SDK1: variants seen among roughly 807,000 people sequenced by gnomAD.
SDK1 encodes sidekick cell adhesion molecule 1, also known as protein sidekick-1.
A neutral mutation model predicts 245.5 loss-of-function variants in SDK1; 157 were observed. That is an observed-to-expected ratio of 0.64 (90% confidence interval 0.56 to 0.73). The LOEUF (loss-of-function observed/expected upper bound fraction) is 0.73. Among genes scored for constraint, SDK1 ranks in the 30% least tolerant of loss-of-function variants. The probability of loss-of-function intolerance (pLI) is 0.00; values close to 1 mark genes in which losing one functional copy is unlikely to be tolerated. For synonymous variants in SDK1, 1,647 were observed against 1,278.5 expected (o/e 1.29, Z -6.15); for missense variants, 3,583 against 3,002.3 (o/e 1.19, Z -4.52).
chr7:4,080,118 T>A (rs1214758238), intron 22 of SDK1, among the ~76,000 whole-genome samples: 1 of 152,026 alleles, frequency 6.6e-6, no homozygotes, highest in Non-Finnish European at 1.5e-5. Context: ...AAAGCTGTTA[T>A]ATTTGAGGGA....
chr7:3,584,960 G>A lies in SDK1; in HGVS notation c.299-34120G>A, dbSNP rs189882477. Among the ~76,000 whole-genome samples the A allele has an allele frequency of 8.5e-5, 13 of 152,140 alleles. No individual in the cohort carries two copies. In the South Asian group the frequency reaches 1.5e-3, roughly 17 times the overall value. Reference sequence around the variant, plus strand: ...AGGATGGTCCCGATCTCCTGACCTCGTAATCTGCCCTCCTCGGCCTCCCAA... The same window carrying A: ...AGGATGGTCCCGATCTCCTGACCTCATAATCTGCCCTCCTCGGCCTCCCAA... On this transcript the variant is annotated intron_variant, in intron 1 of 44. Coordinates refer to ENST00000404826, the MANE Select transcript of SDK1 (RefSeq NM_152744.4).
intron 38 of SDK1, 25 bp from the exon 39 acceptor site, chr7:4,220,084 T>G (rs1364690850): frequency 6.2e-7 from 1 of 1,608,886 alleles, no homozygotes. Flanking sequence ...AACCCCCTTG[T>G]TTCCTTTGCT....
chr7:3,934,102 G>A (rs146285996), intron 5 of SDK1, among the ~76,000 whole-genome samples: 3 of 152,294 alleles, frequency 2.0e-5, no homozygotes, highest in African/African-American at 7.2e-5. Context: ...CCTGAATAGC[G>A]GTAATTTCTA....
intron 5 of SDK1, among the ~76,000 whole-genome samples, chr7:3,875,042 C>A (rs535611442): frequency 6.6e-6 from 1 of 152,276 alleles, no homozygotes; most frequent in African/African-American, 2.4e-5. Flanking sequence ...GCTTTATACA[C>A]GCTCACTAGC....
Position 3,301,807 on chromosome 7 carries a change from C to T in SDK1, c.221C>T (p.Ala74Val). ...GAGRCGGRRA[A>V]KLGPGRRGWW... ...GGGCGGTGCGGCGGGCGGCGGGCGG[C>T]AAAGTTGGGGCCGGGCCGCCGCGGC... Residue 74 changes from alanine (A) to valine (V), a missense_variant, in exon 1 of 45, where the codon GCA becomes GTA. By Grantham distance (64) the Ala-to-Val change is moderately conservative. Transcript: ENST00000404826. 1 of 1,063,620 alleles carries T rather than the reference C, an allele frequency of 9.4e-7. No individual in the cohort carries two copies. Among genetic ancestry groups the T allele is most frequent in the South Asian group, 4.4e-5 (1 of 22,846 alleles). 65.9% of individuals were successfully genotyped at this position (1,063,620 alleles called of 1,614,324 possible).
intron 5 of SDK1, among the ~76,000 whole-genome samples, chr7:3,857,120 G>C (rs1053364874): frequency 6.6e-6 from 1 of 152,046 alleles, no homozygotes; most frequent in Non-Finnish European, 1.5e-5. Flanking sequence ...TGGGTATAGA[G>C]GGAAAACTTA....
intron 5 of SDK1, among the ~76,000 whole-genome samples, chr7:3,894,945 T>C (rs1450842425): frequency 1.3e-5 from 2 of 152,054 alleles, no homozygotes; most frequent in Non-Finnish European, 2.9e-5. Flanking sequence ...CCTCCTGAAG[T>C]GCTGGGATTA....
intron 1 of SDK1, among the ~76,000 whole-genome samples, chr7:3,324,142 C>T (rs879604293): frequency 2.6e-5 from 4 of 152,056 alleles, no homozygotes; most frequent in Non-Finnish European, 4.4e-5. Context: ...ACATTGCTGT[C>T]GTAGGGTCAG....
At chr7:3,944,379 T>C (rs1780494791) in intron 5 of SDK1, among the ~76,000 whole-genome samples, 1 of 152,268 alleles carries the variant, frequency 6.6e-6, no homozygotes, top group Non-Finnish European at 1.5e-5. Flanking sequence ...TCTCTACTTT[T>C]GTTTTCGTTC....
intron 9 of SDK1, among the ~76,000 whole-genome samples, chr7:3,966,416 A>G (rs1015713958): frequency 2.6e-5 from 4 of 152,104 alleles, no homozygotes; most frequent in South Asian, 4.1e-4. Context: ...GTTAATCGTT[A>G]TTGGGTAGCA....
chr7:4,180,004 G>A (rs1782496170), intron 35 of SDK1, among the ~76,000 whole-genome samples: 1 of 152,058 alleles, frequency 6.6e-6, no homozygotes, highest in African/African-American at 2.4e-5. Context: ...GAACCAGGGG[G>A]CTCAGGGCAC....
At chr7:3,881,011 G>C (rs937991557) in intron 5 of SDK1, among the ~76,000 whole-genome samples, 1 of 152,052 alleles carries the variant, frequency 6.6e-6, no homozygotes, top group African/African-American at 2.4e-5. Flanking sequence ...AGAAAAGAGA[G>C]ACCTTCATCT....
At position 4,175,642 on chromosome 7, in the gene SDK1, C is replaced by G. The variant is rs534196354; in HGVS notation, c.4937-133C>G. 14 of 775,082 alleles carry G rather than the reference C, an allele frequency of 1.8e-5. No homozygotes were observed. The South Asian group carries it at 1.9e-4, about 10-fold the overall frequency. The allele number at this position is 775,082 out of a possible 1,614,324, so 48.0% of individuals were successfully genotyped here. ...TTGGGCGGTAGCGGGGTCTTTATTG[C>G]CCCGGGAGGCGCAGCGTGGGAAGTG... On this transcript the variant is annotated intron_variant, in intron 33 of 44. Transcript: ENST00000404826.
intron 4 of SDK1, among the ~76,000 whole-genome samples, chr7:3,817,125 A>T (rs1010633542): frequency 6.6e-6 from 1 of 152,214 alleles, no homozygotes; most frequent in African/African-American, 2.4e-5. Flanking sequence ...CAAAATACTT[A>T]TTGATAACCA....
intron 5 of SDK1, among the ~76,000 whole-genome samples, chr7:3,855,008 C>T (rs146191328): frequency 1.1e-3 from 167 of 152,228 alleles, no homozygotes; most frequent in Non-Finnish European, 2.1e-3. Context: ...AGACCCTGTA[C>T]GTCCTAATCC....
At chr7:3,969,195 C>G (rs541548511) in intron 10 of SDK1, 62 bp from the exon 11 acceptor site, 5 of 1,420,250 alleles carry the variant, frequency 3.5e-6, no homozygotes, top group Non-Finnish European at 4.7e-6. Flanking sequence ...GCTCTAACCA[C>G]TATCTTCATT....
chr7:3,388,423 C>A (rs1420619743), intron 1 of SDK1, among the ~76,000 whole-genome samples: 1 of 151,662 alleles, frequency 6.6e-6, no homozygotes, highest in Non-Finnish European at 1.5e-5. Context: ...TTTGAAGAGA[C>A]TGGGTCTCAT....
intron 5 of SDK1, among the ~76,000 whole-genome samples, chr7:3,847,848 T>A (rs1300794048): frequency 6.6e-6 from 1 of 152,248 alleles, no homozygotes; most frequent in South Asian, 2.1e-4. Context: ...TTCAAAAGTA[T>A]GTGGAAAACA....
chr7:3,352,024 A>G (rs1239352878), intron 1 of SDK1, among the ~76,000 whole-genome samples: 2 of 151,846 alleles, frequency 1.3e-5, no homozygotes, highest in Non-Finnish European at 2.9e-5. Context: ...CATGTAGAGT[A>G]TTTTTCTTAC....
Sources: gnomAD v4.1 joint callset for allele counts (sites outside exome capture counted in the v4.1 genomes callset) on GRCh38, gnomAD v4.1.1 for gene constraint, MANE v1.5 for transcripts, NCBI Gene and HGNC (gene_info 2026-07-23, HGNC 2026-07-21) for gene names.